The following B3GALNT2 variants were observed in gnomAD, a reference collection of about 807,000 sequenced individuals.
B3GALNT2 encodes the protein UDP-GalNAc:beta-1,3-N-acetylgalactosaminyltransferase 2.
B3GALNT2 carries 53 observed loss-of-function variants against 61.1 expected under a neutral mutation model. That is an observed-to-expected ratio of 0.87 (90% CI 0.70 to 1.09). B3GALNT2 has a LOEUF of 1.09. Among genes scored for constraint, B3GALNT2 ranks in the 50% least tolerant of loss-of-function variants. B3GALNT2 has a pLI of 0.00. For missense variants in B3GALNT2, 544 were observed against 623.0 expected, an observed-to-expected ratio of 0.87 and a Z score of 1.35; for synonymous variants, 223 against 237.4, an observed-to-expected ratio of 0.94 and a Z score of 0.56.
chr1:235,502,991 T>G (rs954412526), intron 1 of B3GALNT2, among the ~76,000 whole-genome samples: 1 of 152,256 alleles, frequency 6.6e-6, no homozygotes, highest in Admixed American at 6.5e-5. Context: ...TTAATTCTAT[T>G]CAGGTCACAC....
intron 2 of B3GALNT2, among the ~76,000 whole-genome samples, 195 bp from the exon 3 acceptor site, chr1:235,489,463 A>G (rs1684963548): frequency 8.4e-6 from 1 of 118,456 alleles, no homozygotes; most frequent in East Asian, 2.0e-4. Context: ...TTACTTATGC[A>G]TGAGTCCTTA....
At chr1:235,495,542 A>C (rs1252892397) in intron 1 of B3GALNT2, among the ~76,000 whole-genome samples, 1 of 152,002 alleles carries the variant, frequency 6.6e-6, no homozygotes, top group Non-Finnish European at 1.5e-5. Context: ...TTTAGTAAAA[A>C]AAAAAAAAAA....
At chr1:235,485,453 G>A (rs936704808) in intron 3 of B3GALNT2, among the ~76,000 whole-genome samples, 3 of 152,020 alleles carry the variant, frequency 2.0e-5, no homozygotes, top group African/African-American at 2.4e-5. Flanking sequence ...AGCTGGGACC[G>A]CAGGCACACA....
chr1:235,445,133 A>G (rs764420701), downstream of B3GALNT2, among the ~76,000 whole-genome samples: 1 of 152,242 alleles, frequency 6.6e-6, no homozygotes, highest in Non-Finnish European at 1.5e-5. Flanking sequence ...ACTTTAAACT[A>G]TTCAGAATCT....
rs1684495963 is a variant in B3GALNT2 at position 235,480,230 on chromosome 1, T to C, written c.556-81A>G. 6 of 1,539,676 alleles carry C rather than the reference T, an allele frequency of 3.9e-6. No individual in the cohort carries two copies. The South Asian group carries it at 7.4e-5, about 19-fold the overall frequency. On this transcript the variant is annotated intron_variant, in intron 4 of 11. Coordinates refer to ENST00000366600, the MANE Select transcript of B3GALNT2 (RefSeq NM_152490.5). ...GCAAAAAGTTTTCAAACACCTTACT[T>C]CTTGGTCAGCTAAATCCACAATGGC...
intron 5 of B3GALNT2, among the ~76,000 whole-genome samples, chr1:235,472,903 C>CT (rs1172844809): frequency 6.6e-6 from 1 of 151,402 alleles, no homozygotes; most frequent in Non-Finnish European, 1.5e-5. Context: ...TAAACTTTTT[C>CT]TTTTTTTTTA....
chr1:235,465,074 T>C (rs966739525), intron 7 of B3GALNT2: 3 of 152,258 alleles, frequency 2.0e-5, no homozygotes, highest in Non-Finnish European at 4.4e-5. Flanking sequence ...CTCCTAGACA[T>C]TTAAGAGAAA....
chr1:235,461,507 GTTTTTT>G (rs57611133), intron 7 of B3GALNT2, among the ~76,000 whole-genome samples: 9 of 63,374 alleles, frequency 1.4e-4, no homozygotes, highest in African/African-American at 2.8e-4. Flanking sequence ...ATGACCTCCT[GTTTTTT>G]TTTTTTTTTT....
At position 235,473,053 on chromosome 1, in the gene B3GALNT2, T is replaced by C. The variant is rs192511635; in HGVS notation, c.652-2093A>G. ...CCTCAGCCTCCCAAGTAGCTGGGAT[T>C]ACAGGAATGTGCCACCATGCCTAGC... is the stretch of plus-strand genomic sequence containing the variant. On this transcript the variant is annotated intron_variant, in intron 5 of 11. Coordinates refer to ENST00000366600, the MANE Select transcript of B3GALNT2 (RefSeq NM_152490.5). Among the ~76,000 whole-genome samples the C allele has an allele frequency of 1.4e-4, 21 of 152,294 alleles. No homozygotes were observed. In the East Asian group the frequency reaches 3.7e-3, roughly 27 times the overall value.
intron 5 of B3GALNT2, among the ~76,000 whole-genome samples, chr1:235,474,516 C>A (rs1684146142): frequency 6.6e-6 from 1 of 151,984 alleles, no homozygotes; most frequent in African/African-American, 2.4e-5. Context: ...GAATTTCAAC[C>A]TTCACAAAAA....
intron 1 of B3GALNT2, among the ~76,000 whole-genome samples, chr1:235,500,049 A>G (rs1433169790): frequency 6.6e-6 from 1 of 152,176 alleles, no homozygotes. Context: ...CAGGTCAGAG[A>G]CAGCTGCTTC....
chr1:235,444,956 G>A (rs976565356), downstream of B3GALNT2, among the ~76,000 whole-genome samples: 1 of 152,214 alleles, frequency 6.6e-6, no homozygotes, highest in Non-Finnish European at 1.5e-5. Flanking sequence ...TGACAGTGCC[G>A]CCTTACCCTT....
chr1:235,440,799 G>A, the B3GALNT2 span: 5 of 152,052 alleles, frequency 3.3e-5, no homozygotes, highest in African/African-American at 9.7e-5. Flanking sequence ...CGCTACCAAG[G>A]CTGGCACTTG....
At chr1:235,480,276 T>C (rs1186478491) in intron 4 of B3GALNT2, 127 bp from the exon 5 acceptor site, 3 of 1,395,182 alleles carry the variant, frequency 2.2e-6, no homozygotes, top group African/African-American at 1.4e-5. Flanking sequence ...GTCACTAACA[T>C]GGTTCTACTG....
At chr1:235,472,732 A>C (rs1010623682) in intron 5 of B3GALNT2, among the ~76,000 whole-genome samples, 2 of 151,746 alleles carry the variant, frequency 1.3e-5, no homozygotes, top group Admixed American at 1.3e-4. Flanking sequence ...TGAAAGATAT[A>C]CCTCTAATAC....
the B3GALNT2 span, among the ~76,000 whole-genome samples, chr1:235,440,107 A>G: frequency 4.6e-5 from 7 of 152,136 alleles, no homozygotes; most frequent in South Asian, 1.5e-3. Flanking sequence ...AGTGGCTGGG[A>G]CTACAGGCGC....
intron 9 of B3GALNT2, 85 bp from the exon 10 acceptor site, chr1:235,454,400 CA>C: frequency 7.8e-7 from 1 of 1,280,524 alleles, no homozygotes; most frequent in Non-Finnish European, 1.1e-6. Flanking sequence ...ATCATCACTA[CA>C]AAGGAATAAG....
At chr1:235,467,484 T>A (rs1044532749) in intron 6 of B3GALNT2, among the ~76,000 whole-genome samples, 5 of 12,604 alleles carry the variant, frequency 4.0e-4, no homozygotes, top group African/African-American at 3.1e-3. Flanking sequence ...ACTTATTTAC[T>A]TTTTTTTTTT....
At chr1:235,465,546 G>T in intron 7 of B3GALNT2, 90 bp downstream of exon 7, 1 of 1,531,930 alleles carries the variant, frequency 6.5e-7, no homozygotes, top group South Asian at 1.3e-5. Flanking sequence ...TTTTTTAAAA[G>T]ACAAAAAAGA....
Sources: allele counts gnomAD v4.1 joint callset (sites outside exome capture counted in the v4.1 genomes callset), GRCh38; gene constraint gnomAD v4.1.1; transcripts MANE v1.5; gene names NCBI Gene and HGNC (gene_info 2026-07-23, HGNC 2026-07-21).